The following CWC22 variants were observed in gnomAD, a reference collection of about 807,000 sequenced individuals.
The protein encoded by CWC22 is CWC22 spliceosome associated protein.
CWC22 carries 53 observed loss-of-function variants against 117.2 expected under a neutral mutation model. The observed-to-expected ratio is 0.45, with a 90% CI of 0.36 to 0.57. The LOEUF (loss-of-function observed/expected upper bound fraction) is 0.57, where lower values mean the gene tolerates loss of function less well. Ranked by LOEUF, CWC22 falls within the 20% of genes least tolerant of loss-of-function variation. The pLI is 0.00. For missense variants in CWC22, 980 were observed against 1,068.8 expected (o/e 0.92, Z 1.16); for synonymous variants, 360 against 355.6 (o/e 1.01, Z -0.14).
intron 1 of CWC22, among the ~76,000 whole-genome samples, chr2:180,005,908 T>A (rs2105571462): frequency 6.6e-6 from 1 of 152,322 alleles, no homozygotes; most frequent in South Asian, 2.1e-4. Flanking sequence ...AAATCTTTGG[T>A]CTACTAGTCC....
At chr2:179,990,650 T>A (rs1007127418) in intron 2 of CWC22, among the ~76,000 whole-genome samples, 1 of 152,140 alleles carries the variant, frequency 6.6e-6, no homozygotes, top group Admixed American at 6.5e-5. Flanking sequence ...TATCTCCTTT[T>A]TCTTTTACAA....
intron 19 of CWC22, among the ~76,000 whole-genome samples, chr2:179,950,180 A>G (rs1290616354): frequency 4.6e-5 from 7 of 152,232 alleles, no homozygotes; most frequent in African/African-American, 7.2e-5. Flanking sequence ...TAAAAAACTA[A>G]AATTTATTTA....
At chr2:179,982,806 T>A (rs534279662) in intron 4 of CWC22, among the ~76,000 whole-genome samples, 1 of 152,304 alleles carries the variant, frequency 6.6e-6, no homozygotes, top group South Asian at 2.1e-4. Context: ...TCTTGCTTTT[T>A]GCTATCTTTC....
At chr2:179,963,731 T>A (rs1686820441) in intron 13 of CWC22, among the ~76,000 whole-genome samples, 1 of 152,232 alleles carries the variant, frequency 6.6e-6, no homozygotes, top group Admixed American at 6.5e-5. Context: ...CGTTCCTCTA[T>A]TTGAAGATAA....
intron 3 of CWC22, among the ~76,000 whole-genome samples, chr2:179,987,274 C>T (rs1687442343): frequency 6.6e-6 from 1 of 152,018 alleles, no homozygotes. Context: ...CATTACTGGA[C>T]AGCAATGAGA....
intron 8 of CWC22, among the ~76,000 whole-genome samples, chr2:179,972,173 T>C (rs923089595): frequency 1.1e-4 from 16 of 152,152 alleles, no homozygotes; most frequent in African/African-American, 3.4e-4. Flanking sequence ...GTGAAAGAAT[T>C]TTCATGTAAA....
rs262280 is a variant in CWC22, at chr2:180,002,695, T to C, written c.-114+4172A>G. Reference sequence around the variant, plus strand: ...AAACAAGTGTTACTGGAAAAGAGGGTTTGGGACATACAGAAAGAAGTAGGT... The same window carrying C: ...AAACAAGTGTTACTGGAAAAGAGGGCTTGGGACATACAGAAAGAAGTAGGT... On this transcript the variant is annotated intron_variant, in intron 1 of 19. Coordinates refer to ENST00000410053, the MANE Select transcript of CWC22 (RefSeq NM_020943.3). Among the ~76,000 whole-genome samples the C allele has an allele frequency of 6.3e-3, 953 of 152,178 alleles. 11 individuals are homozygous for C. The highest frequency in any genetic ancestry group is 0.022 in the African/African-American group (897 of 41,516).
intron 1 of CWC22, among the ~76,000 whole-genome samples, chr2:179,996,055 G>A (rs1465355805): frequency 6.6e-6 from 1 of 152,202 alleles, no homozygotes; most frequent in Admixed American, 6.5e-5. Flanking sequence ...TTGAACTGCT[G>A]CTCAAGAGAC....
In CWC22 at chr2:179,978,236, T is replaced by G. The variant is rs2105536628; in HGVS notation, c.535A>C (p.Ser179Arg). The change falls in exon 6 of 20, where the codon AGT (serine) becomes CGT (arginine). Residue 179 changes from serine to arginine, a missense_variant. Physicochemically the swap from Ser to Arg is moderately radical, Grantham distance 110 (BLOSUM62 -1). Transcript: ENST00000410053. ...TGAAGAAGCTCTTGAATAATAATAC[T>G]TATGTTGGAAATGTTGACTTTGTTG... ...LINKVNISNI[S>R]IIIQELLQEN... The G allele has an allele frequency of 1.9e-6, 3 of 1,573,720 alleles. No homozygotes were observed. The East Asian group carries it at 7.0e-5, about 37-fold the overall frequency.
At chr2:179,971,811 T>C (rs997661714) in intron 8 of CWC22, among the ~76,000 whole-genome samples, 1 of 152,148 alleles carries the variant, frequency 6.6e-6, no homozygotes, top group Admixed American at 6.5e-5. Context: ...TGATTTAAGA[T>C]GGTGAGGAAA....
At chr2:179,990,538 G>A (rs1223238594) in intron 2 of CWC22, among the ~76,000 whole-genome samples, 1 of 77,256 alleles carries the variant, frequency 1.3e-5, no homozygotes. Context: ...GTGAGTGAGT[G>A]AGACAGACAG....
chr2:179,978,340 A>G, intron 5 of CWC22, 22 bp from the exon 6 acceptor site: 1 of 1,443,866 alleles, frequency 6.9e-7, no homozygotes, highest in Admixed American at 3.1e-5. Flanking sequence ...TGATTTTAAT[A>G]AAGATTAAAA....
At chr2:179,982,935 A>C (rs1687322417) in intron 4 of CWC22, among the ~76,000 whole-genome samples, 1 of 152,118 alleles carries the variant, frequency 6.6e-6, no homozygotes, top group Non-Finnish European at 1.5e-5. Flanking sequence ...ATAAAAGTAA[A>C]TTTCATATTA....
chr2:179,996,050 C>G (rs953573682), intron 1 of CWC22, among the ~76,000 whole-genome samples: 5 of 152,346 alleles, frequency 3.3e-5, no homozygotes, highest in Admixed American at 6.5e-5. Context: ...AAGATTTGAA[C>G]TGCTGCTCAA....
chr2:179,945,305 T>C lies in CWC22; in HGVS notation c.2551A>G (p.Arg851Gly), dbSNP rs752079555. ...KDSENFRRKD[R>G]SKSKEMNRKH... ...CTATTCATTTCCTTTGACTTTGATC[T>C]ATCTTTTCTTCTGAAATTTTCACTG... Residue 851 changes from arginine to glycine, a missense_variant, in exon 20 of 20, where the codon AGA becomes GGA. Arg to Gly is a moderately radical substitution (Grantham distance 125). Coordinates refer to ENST00000410053, the MANE Select transcript of CWC22 (RefSeq NM_020943.3). 6.2e-7 allele frequency: 1 copy of C among 1,613,476 alleles called. No homozygotes were observed. Among genetic ancestry groups the C allele is most frequent in the Admixed American group, 1.7e-5 (1 of 59,964 alleles).
chr2:179,945,186 T>C lies in CWC22; in HGVS notation c.2670A>G (p.Arg890=). ...EKSSRYSEQS[R]ESKKNQDRRR... ...GCCGGTCCTGATTTTTCTTTGATTC[T>C]CTGGATTGTTCAGAGTATCTGCTAG... The change falls in exon 20 of 20, where the codon AGA becomes AGG. Residue 890 remains arginine (R), a synonymous_variant. Coordinates refer to ENST00000410053, the MANE Select transcript of CWC22 (RefSeq NM_020943.3). 1 of 1,609,576 alleles carries C rather than the reference T, an allele frequency of 6.2e-7. No homozygotes were observed. Among genetic ancestry groups the C allele is most frequent in the East Asian group, 2.2e-5 (1 of 44,844 alleles).
At chr2:179,960,264 G>A (rs1412833489) in intron 13 of CWC22, among the ~76,000 whole-genome samples, 1 of 151,912 alleles carries the variant, frequency 6.6e-6, no homozygotes, top group African/African-American at 2.4e-5. Context: ...CTAAATCTGG[G>A]TAATCAGGTC....
intron 4 of CWC22, 136 bp from the exon 5 acceptor site, chr2:179,982,133 A>G: frequency 1.6e-6 from 1 of 617,060 alleles, no homozygotes; most frequent in Admixed American, 2.9e-5. Context: ...AATGGTGACA[A>G]AGTGTTTCAC....
rs149295248 is a variant in CWC22 at position 179,976,381 on chromosome 2, A to C, written c.581+1809T>G. ...ATGATTTTTTGGATATGACCCCTAA[A>C]GCACAGGCAACAAAAGCAAAAAGAG... On this transcript the variant is annotated intron_variant, in intron 6 of 19. Coordinates refer to ENST00000410053, the MANE Select transcript of CWC22 (RefSeq NM_020943.3). Among the ~76,000 whole-genome samples the C allele has an allele frequency of 3.1e-3, 476 of 152,314 alleles. 3 individuals carry two copies. The highest frequency in any genetic ancestry group is 0.011 in the African/African-American group (460 of 41,580).
Sources: gnomAD v4.1 joint callset for allele counts (sites outside exome capture counted in the v4.1 genomes callset) on GRCh38, gnomAD v4.1.1 for gene constraint, MANE v1.5 for transcripts, NCBI Gene and HGNC (gene_info 2026-07-23, HGNC 2026-07-21) for gene names.